The following NTRK2 variants were observed in gnomAD, a reference collection of about 807,000 sequenced individuals.
The protein encoded by NTRK2 is neurotrophic receptor tyrosine kinase 2.
In NTRK2, 13 loss-of-function variants were observed where a neutral mutation model predicts 94.5. The observed-to-expected ratio is 0.14, with a 90% CI of 0.09 to 0.22. The LOEUF is 0.22. NTRK2 is among the 10% of genes least tolerant of loss of function. NTRK2 has a pLI of 1.00. For synonymous variants in NTRK2, 372 were observed against 407.4 expected, an observed-to-expected ratio of 0.91 and a Z score of 1.05; for missense variants, 639 against 1,071.2, an observed-to-expected ratio of 0.60 and a Z score of 5.63.
rs144476310 is a variant in NTRK2, at chr9:84,851,284, G to A, written c.1397-9756G>A. On this transcript the variant is annotated intron_variant, in intron 12 of 18. Coordinates refer to ENST00000277120, the MANE Select transcript of NTRK2 (RefSeq NM_006180.6). Reference sequence around the variant, plus strand: ...CCCTAAAGAGCACATTGGGCATTTAGTGGGAAAACATCAAGGAAAGAAATG... The same window carrying A: ...CCCTAAAGAGCACATTGGGCATTTAATGGGAAAACATCAAGGAAAGAAATG... Among the ~76,000 whole-genome samples the A allele has an allele frequency of 3.5e-4, 53 of 152,314 alleles. 1 individual carries two copies. In the East Asian group the frequency reaches 9.3e-3, roughly 27 times the overall value.
intron 2 of NTRK2, among the ~76,000 whole-genome samples, chr9:84,680,320 T>C (rs377229846): frequency 2.2e-4 from 34 of 152,208 alleles, no homozygotes; most frequent in African/African-American, 8.2e-4. Context: ...GATGTGTAGA[T>C]GGGATGTGAG....
At chr9:84,903,475 T>C (rs1266369514) in intron 14 of NTRK2, among the ~76,000 whole-genome samples, 1 of 152,210 alleles carries the variant, frequency 6.6e-6, no homozygotes, top group African/African-American at 2.4e-5. Flanking sequence ...AATCTCCATG[T>C]TATGGTCATC....
At chr9:84,687,286 G>A (rs551896101) in intron 2 of NTRK2, among the ~76,000 whole-genome samples, 172 of 152,320 alleles carry the variant, frequency 1.1e-3, no homozygotes, top group African/African-American at 4.0e-3. Context: ...TTGGAATTGA[G>A]TCATTGGCTC....
At chr9:84,993,945 G>T (rs1188340692) in intron 17 of NTRK2, among the ~76,000 whole-genome samples, 1 of 152,094 alleles carries the variant, frequency 6.6e-6, no homozygotes, top group Non-Finnish European at 1.5e-5. Flanking sequence ...CAGGCTTCCA[G>T]CCCAAAGCAA....
At chr9:84,906,605 C>T (rs918978183) in intron 14 of NTRK2, among the ~76,000 whole-genome samples, 4 of 152,164 alleles carry the variant, frequency 2.6e-5, no homozygotes, top group Non-Finnish European at 5.9e-5. Flanking sequence ...CCAACCACTA[C>T]GTTGATGACC....
chr9:84,764,598 G>A (rs965956284), intron 12 of NTRK2, among the ~76,000 whole-genome samples: 3 of 152,148 alleles, frequency 2.0e-5, no homozygotes, highest in Non-Finnish European at 4.4e-5. Flanking sequence ...TTTATTATAA[G>A]AGTATAGTTG....
rs193083790 is a variant in NTRK2 at position 84,919,741 on chromosome 9, T to C, written c.1634-14421T>C. The stretch of plus-strand genomic sequence containing the variant: ...TATATCTGTGAGCCATTGTGTAATC[T>C]TGAGGGCCAAATTGCTAAATAGCAG... On this transcript the variant is annotated intron_variant, in intron 14 of 18. Transcript: ENST00000277120. 2.1e-3 allele frequency among the ~76,000 whole-genome samples: 325 copies of C among 152,338 alleles called. 2 individuals carry two copies. The highest frequency in any genetic ancestry group is 7.5e-3 in the African/African-American group (310 of 41,574).
At chr9:84,706,927 T>A (rs1346568564) in intron 4 of NTRK2, among the ~76,000 whole-genome samples, 3 of 152,162 alleles carry the variant, frequency 2.0e-5, no homozygotes, top group African/African-American at 7.2e-5. Flanking sequence ...TTTGTAGAGG[T>A]CTTGGCTGTT....
chr9:84,670,552 T>A lies in NTRK2; in HGVS notation c.-197T>A. On this transcript the variant is annotated 5_prime_UTR_variant, in exon 2 of 19. Coordinates refer to ENST00000277120, the MANE Select transcript of NTRK2 (RefSeq NM_006180.6). ...AAGCGGTTCGCTATGCCGGGGCCAC[T>A]GTGAACCCTGCCGCCTGCCGGAACA... is the stretch of plus-strand genomic sequence containing the variant. 1 of 622,796 alleles carries A rather than the reference T, an allele frequency of 1.6e-6. No homozygotes were observed. The highest frequency in any genetic ancestry group is 1.8e-5 in the African/African-American group (1 of 54,838). 38.6% of individuals were successfully genotyped at this position (622,796 alleles called of 1,614,324 possible).
At chr9:84,794,316 G>A (rs533800289) in intron 12 of NTRK2, among the ~76,000 whole-genome samples, 1 of 152,312 alleles carries the variant, frequency 6.6e-6, no homozygotes, top group African/African-American at 2.4e-5. Flanking sequence ...GTCCGTGGCC[G>A]TTGGTGCATT....
intron 9 of NTRK2, among the ~76,000 whole-genome samples, chr9:84,729,454 T>TG (rs1564142247): frequency 6.6e-6 from 1 of 152,216 alleles, no homozygotes. Flanking sequence ...CAGGAAGTCA[T>TG]GTTTGAGGGA....
rs1453049108 is a variant in NTRK2, at chr9:84,897,702, C to T, written c.1633+30271C>T. On this transcript the variant is annotated intron_variant, in intron 14 of 18. Transcript: ENST00000277120. ...CAGAAGTGCAGAGTGTGGAAGCAAGCCCTTCCTCCACACCCTCACAAACCA... is the reference window on the plus strand; with the variant it reads ...CAGAAGTGCAGAGTGTGGAAGCAAGTCCTTCCTCCACACCCTCACAAACCA... Among the ~76,000 whole-genome samples the T allele has an allele frequency of 2.0e-5, 3 of 152,216 alleles. No individual in the cohort carries two copies. The East Asian group carries it at 5.8e-4, about 29-fold the overall frequency.
intron 12 of NTRK2, among the ~76,000 whole-genome samples, chr9:84,826,975 G>A (rs562716721): frequency 6.6e-6 from 1 of 152,310 alleles, no homozygotes; most frequent in African/African-American, 2.4e-5. Flanking sequence ...AAAGAAGGGG[G>A]TTTGGCAGGT....
chr9:84,910,926 T>C lies in NTRK2; in HGVS notation c.1634-23236T>C, dbSNP rs550594583. 2.6e-5 allele frequency among the ~76,000 whole-genome samples: 4 copies of C among 152,348 alleles called. No individual in the cohort carries two copies. The South Asian group carries it at 6.2e-4, about 24-fold the overall frequency. On this transcript the variant is annotated intron_variant, in intron 14 of 18. Coordinates refer to ENST00000277120, the MANE Select transcript of NTRK2 (RefSeq NM_006180.6). ...ATTTCAGAATAGTGTTGTCAATATCTACAAAAGATTTCACTGGGATTTTGA... is the reference window on the plus strand; with the variant it reads ...ATTTCAGAATAGTGTTGTCAATATCCACAAAAGATTTCACTGGGATTTTGA...
At chr9:84,901,698 A>G (rs2076934572) in intron 14 of NTRK2, among the ~76,000 whole-genome samples, 2 of 152,128 alleles carry the variant, frequency 1.3e-5, no homozygotes, top group East Asian at 3.9e-4. Flanking sequence ...CTAAAATGCA[A>G]TAATGATGGT....
chr9:84,762,208 G>A (rs1029303941), intron 12 of NTRK2, among the ~76,000 whole-genome samples: 5 of 152,136 alleles, frequency 3.3e-5, no homozygotes, highest in African/African-American at 9.7e-5. Context: ...TTTATTAGCA[G>A]CATGAGAACA....
chr9:84,912,201 G>GA (rs60182495), intron 14 of NTRK2, among the ~76,000 whole-genome samples: 1 of 152,006 alleles, frequency 6.6e-6, no homozygotes, highest in East Asian at 1.9e-4. Flanking sequence ...TAATAAGTCT[G>GA]AAAAAAATGT....
At chr9:84,783,934 G>C (rs900896054) in intron 12 of NTRK2, among the ~76,000 whole-genome samples, 2 of 152,146 alleles carry the variant, frequency 1.3e-5, no homozygotes, top group Admixed American at 6.5e-5. Context: ...AGACTTGGCA[G>C]CATGAGGAGA....
At chr9:84,701,806 G>A (rs1401710509) in intron 2 of NTRK2, among the ~76,000 whole-genome samples, 10 of 152,190 alleles carry the variant, frequency 6.6e-5, no homozygotes, top group Non-Finnish European at 1.3e-4. Flanking sequence ...GGCTCTCACC[G>A]TAAGAGTGGA....
Sources: allele counts gnomAD v4.1 joint callset (sites outside exome capture counted in the v4.1 genomes callset), GRCh38; gene constraint gnomAD v4.1.1; transcripts MANE v1.5; gene names NCBI Gene and HGNC (gene_info 2026-07-23, HGNC 2026-07-21).